The following UMODL1 variants were observed in gnomAD, a reference collection of about 807,000 sequenced individuals.
UMODL1 encodes uromodulin-like 1.
A neutral mutation model predicts 136.3 loss-of-function variants in UMODL1; 128 were observed. The observed-to-expected ratio is 0.94, with a 90% CI of 0.81 to 1.09. The LOEUF (loss-of-function observed/expected upper bound fraction) is 1.09. UMODL1 is among the 50% of genes least tolerant of loss of function. UMODL1 has a pLI of 0.00. For missense variants in UMODL1, 1,766 were observed against 1,725.6 expected (o/e 1.02, Z -0.41); for synonymous variants, 721 against 720.0 (o/e 1.00, Z -0.02).
intron 22 of UMODL1, among the ~76,000 whole-genome samples, chr21:42,139,600 C>G (rs766811607): frequency 2.7e-4 from 41 of 152,128 alleles, no homozygotes; most frequent in Non-Finnish European, 2.4e-4. Context: ...GACGAGAGGC[C>G]AATTTTCCCT....
chr21:42,063,712 A>G (rs1389624612), intron 1 of UMODL1, among the ~76,000 whole-genome samples: 1 of 152,160 alleles, frequency 6.6e-6, no homozygotes, highest in Non-Finnish European at 1.5e-5. Context: ...ATTGCTCCCA[A>G]CTGGCCGCTT....
At chr21:42,088,957 G>A (rs2066459708) in intron 5 of UMODL1, among the ~76,000 whole-genome samples, 1 of 152,182 alleles carries the variant, frequency 6.6e-6, no homozygotes, top group Admixed American at 6.5e-5. Flanking sequence ...GTCTAAAGTT[G>A]AATTTGTATC....
At chr21:42,124,504 C>T (rs528366018) in intron 17 of UMODL1, among the ~76,000 whole-genome samples, 60 of 152,212 alleles carry the variant, frequency 3.9e-4, no homozygotes, top group African/African-American at 1.4e-3. Context: ...GAAACCATGG[C>T]GGAGTTAAGA....
At chr21:42,065,532 C>CT (rs1284797584) in intron 1 of UMODL1, among the ~76,000 whole-genome samples, 18 of 148,024 alleles carry the variant, frequency 1.2e-4, no homozygotes, top group Admixed American at 4.0e-4. Context: ...AGATCTCTTT[C>CT]TTTTTTTTTC....
intron 7 of UMODL1, among the ~76,000 whole-genome samples, chr21:42,101,309 G>A (rs944508400): frequency 2.0e-5 from 3 of 152,098 alleles, no homozygotes; most frequent in Non-Finnish European, 4.4e-5. Context: ...CCTGAGAATC[G>A]GAGGCCACAT....
At chr21:42,071,426 A>C in intron 1 of UMODL1, 34 bp downstream of exon 1, 1 of 1,535,512 alleles carries the variant, frequency 6.5e-7, no homozygotes, top group Non-Finnish European at 8.8e-7. Flanking sequence ...GGCAGTTCTT[A>C]AGGACAGGGG....
rs372480795 is a variant in UMODL1, at chr21:42,076,247, C to G, written c.319C>G (p.Pro107Ala). 1 of 1,614,090 alleles carries G rather than the reference C, an allele frequency of 6.2e-7. No individual in the cohort carries two copies. The highest frequency in any genetic ancestry group is 8.5e-7 in the Non-Finnish European group (1 of 1,179,940). ...YEQLGLYCVLPLNQSGQFTSR... is the reference protein window; with the variant it reads ...YEQLGLYCVLALNQSGQFTSR... Reference sequence around the variant, plus strand: ...ACAGCTCGGCCTCTACTGTGTCTTGCGTGAGTCCAGGGCTGCTGGGCTGGG... The same window carrying G: ...ACAGCTCGGCCTCTACTGTGTCTTGGGTGAGTCCAGGGCTGCTGGGCTGGG... Residue 107 changes from proline (P) to alanine (A), a missense_variant and splice_region_variant, in exon 2 of 23, where the codon CCC becomes GCC. Transcript: ENST00000408910.
chr21:42,134,753 T>C lies in UMODL1; in HGVS notation c.3776-2686T>C, dbSNP rs1306740835. 4.0e-5 allele frequency among the ~76,000 whole-genome samples: 6 copies of C among 151,644 alleles called. No homozygotes were observed. In the East Asian group the frequency reaches 1.2e-3, roughly 29 times the overall value. On this transcript the variant is annotated intron_variant, in intron 21 of 22. Coordinates refer to ENST00000408910, the MANE Select transcript of UMODL1 (RefSeq NM_001004416.3). ...CCTCAGCCTCCTGAGTAGCTGGGAC[T>C]ACAGGCGCGCACTACCAAGTCTGGC...
rs765973844 is a variant in UMODL1 at position 42,113,738 on chromosome 21, C to T, written c.2270C>T (p.Ser757Leu). 13 of 1,613,922 alleles carry T rather than the reference C, an allele frequency of 8.1e-6. No individual in the cohort carries two copies. Among genetic ancestry groups the T allele is most frequent in the East Asian group, 4.5e-5 (2 of 44,896 alleles). Residue 757 changes from serine (S) to leucine (L), a missense_variant, in exon 13 of 23, where the codon TCG becomes TTG. Coordinates refer to ENST00000408910, the MANE Select transcript of UMODL1 (RefSeq NM_001004416.3). The stretch of plus-strand genomic sequence containing the variant: ...ACCTGGAACACGAGTGTGACACTGT[C>T]GGGGCTGGAGCCTGGGGTCTTGCAC... ...LETWNTSVTLSGLEPGVLHLV... is the reference protein window; with the variant it reads ...LETWNTSVTLLGLEPGVLHLV...
At chr21:42,097,835 C>T (rs936819336) in intron 6 of UMODL1, among the ~76,000 whole-genome samples, 2 of 152,138 alleles carry the variant, frequency 1.3e-5, no homozygotes, top group Admixed American at 1.3e-4. Context: ...CAAAAAAGAG[C>T]TTCGATGCTA....
At chr21:42,080,751 AGACATT>A (rs1245441590) in intron 2 of UMODL1, among the ~76,000 whole-genome samples, 7 of 152,266 alleles carry the variant, frequency 4.6e-5, no homozygotes, top group Non-Finnish European at 1.0e-4. Flanking sequence ...TATCCAGGGC[AGACATT>A]TCACAAGAGG....
chr21:42,126,412 A>C lies in UMODL1; in HGVS notation c.3215A>C (p.His1072Pro). 1 of 1,614,198 alleles carries C rather than the reference A, an allele frequency of 6.2e-7. No individual in the cohort carries two copies. Among genetic ancestry groups the C allele is most frequent in the African/African-American group, 1.3e-5 (1 of 75,042 alleles). ...NDLSQEGIIH[H>P]LKILSPIYCA... ...CTGTCCCAGGAGGGCATCATCCACC[A>C]CCTGAAGATCCTGAGCCCCATCTAC... The change falls in exon 18 of 23, where the codon CAC (histidine) becomes CCC (proline). Residue 1072 changes from histidine (H) to proline (P), a missense_variant. Coordinates refer to ENST00000408910, the MANE Select transcript of UMODL1 (RefSeq NM_001004416.3).
At chr21:42,137,749 G>A (rs1334140583) in intron 22 of UMODL1, 108 bp downstream of exon 22, 1 of 1,122,120 alleles carries the variant, frequency 8.9e-7, no homozygotes, top group Non-Finnish European at 1.3e-6. Context: ...GGTGGGAGGT[G>A]TAGGCTGACA....
chr21:42,138,720 C>A (rs2067241346), intron 22 of UMODL1, among the ~76,000 whole-genome samples: 1 of 152,098 alleles, frequency 6.6e-6, no homozygotes, highest in African/African-American at 2.4e-5. Flanking sequence ...GGATTACAGG[C>A]ATGCGCCACC....
intron 15 of UMODL1, 118 bp from the exon 16 acceptor site, chr21:42,120,969 C>G (rs1354756000): frequency 7.6e-7 from 1 of 1,322,996 alleles, no homozygotes; most frequent in Non-Finnish European, 1.0e-6. Context: ...TGACTGCAGT[C>G]TGCTGTGGCT....
chr21:42,067,072 T>C (rs567317454), upstream of UMODL1, among the ~76,000 whole-genome samples: 1 of 151,990 alleles, frequency 6.6e-6, no homozygotes, highest in Non-Finnish European at 1.5e-5. Flanking sequence ...CCTCCTGGGT[T>C]CAAGCAATTC....
In UMODL1 at chr21:42,065,465, G is replaced by A. The variant is rs138580544; in HGVS notation, c.-141+2251G>A. On this transcript the variant is annotated intron_variant, in intron 1 of 22. Transcript: ENST00000400424. ...GCTGGTGCAGGTGTGGATCGAGCCA[G>A]TTATCTTCACTATCTGGAAACAAGA... is the stretch of plus-strand genomic sequence containing the variant. 2.4e-3 allele frequency among the ~76,000 whole-genome samples: 366 copies of A among 152,202 alleles called. 1 individual carries two copies. Among genetic ancestry groups the A allele is most frequent in the African/African-American group, 8.5e-3 (352 of 41,516 alleles).
At chr21:42,063,043 G>T (rs1024899606) in exon 1 of UMODL1, 4 of 152,226 alleles carry the variant, frequency 2.6e-5, no homozygotes, top group Non-Finnish European at 4.4e-5. Context: ...GGCATCCCGG[G>T]CTCATTGTAG....
upstream of UMODL1, among the ~76,000 whole-genome samples, chr21:42,069,229 AAC>A (rs61712292): frequency 0.063 from 8,654 of 136,320 alleles, 391 homozygotes; most frequent in East Asian, 0.19. Context: ...CACAGACAGA[AAC>A]ACACACACAC....
Sources: allele counts gnomAD v4.1 joint callset (sites outside exome capture counted in the v4.1 genomes callset), GRCh38; gene constraint gnomAD v4.1.1; transcripts MANE v1.5; gene names NCBI Gene and HGNC (gene_info 2026-07-23, HGNC 2026-07-21).